Variants in GRIA3 observed in about 807,000 individuals in gnomAD.
GRIA3 encodes the protein glutamate ionotropic receptor AMPA type subunit 3, also known as glutamate receptor 3.
A neutral mutation model predicts 63.0 loss-of-function variants in GRIA3; 3 were observed. The ratio of observed to expected loss-of-function variants is 0.05; its 90% CI spans 0.02 to 0.12. GRIA3 has a LOEUF of 0.12. Ranked by LOEUF, GRIA3 falls within the 10% of genes least tolerant of loss-of-function variation. The pLI is 1.00. For synonymous variants in GRIA3, 274 were observed against 257.9 expected (o/e 1.06, Z -0.60); for missense variants, 347 against 700.9 (o/e 0.50, Z 5.70).
At chrX:123,430,306 T>A (rs1205014550) in intron 12 of GRIA3, among the ~76,000 whole-genome samples, 1 of 111,735 alleles carries the variant, frequency 8.9e-6, no homozygotes, top group African/African-American at 3.3e-5. Context: ...TACAAATCAT[T>A]TTCTAGTTCT....
chrX:123,398,128 C>T (rs1487182526), intron 6 of GRIA3, among the ~76,000 whole-genome samples: 1 of 111,892 alleles, frequency 8.9e-6, no homozygotes, highest in East Asian at 2.8e-4. Flanking sequence ...GGCCAGAAGT[C>T]CCACCTCGCC....
chrX:123,220,904 T>C (rs929874930), intron 2 of GRIA3, among the ~76,000 whole-genome samples: 2 of 112,156 alleles, frequency 1.8e-5, no homozygotes, highest in Non-Finnish European at 3.8e-5. Flanking sequence ...CCAGCACTTA[T>C]AGCACTTATC....
chrX:123,215,486 G>A (rs973308600), intron 2 of GRIA3, among the ~76,000 whole-genome samples: 3 of 111,568 alleles, frequency 2.7e-5, no homozygotes, highest in Non-Finnish European at 5.6e-5. Context: ...ACAGCACTAT[G>A]ATGTCAGCAT....
At position 123,464,348 on chromosome X, in the gene GRIA3, G is replaced by A. The variant is rs370985588; in HGVS notation, c.2077-517G>A. On this transcript the variant is annotated intron_variant, in intron 12 of 15. Transcript: ENST00000620443. The stretch of plus-strand genomic sequence containing the variant: ...GTTGAAATTGTAAAAAGGAATGGGA[G>A]TTATAGAAAAACAAAGATCATCTCA... 5.4e-5 allele frequency among the ~76,000 whole-genome samples: 6 copies of A among 111,729 alleles called. No individual in the cohort carries two copies. The East Asian group carries it at 1.4e-3, about 26-fold the overall frequency.
intron 12 of GRIA3, among the ~76,000 whole-genome samples, chrX:123,441,768 C>T (rs973277001): frequency 1.8e-5 from 2 of 110,855 alleles, no homozygotes; most frequent in South Asian, 7.7e-4. Flanking sequence ...AGCCCCTTTG[C>T]CAAGAAGTTT....
intron 4 of GRIA3, among the ~76,000 whole-genome samples, chrX:123,334,552 C>T: frequency 8.9e-6 from 1 of 112,021 alleles, no homozygotes; most frequent in Admixed American, 9.5e-5. Context: ...AGGAAATGTT[C>T]TACTTAATCA....
At chrX:123,316,684 T>C (rs1391135993) in intron 3 of GRIA3, among the ~76,000 whole-genome samples, 1 of 112,421 alleles carries the variant, frequency 8.9e-6, no homozygotes, top group East Asian at 2.8e-4. Context: ...TGGAATACTA[T>C]GTCATCATTA....
intron 3 of GRIA3, among the ~76,000 whole-genome samples, chrX:123,323,509 T>C (rs1266530080): frequency 8.9e-6 from 1 of 112,238 alleles, no homozygotes; most frequent in African/African-American, 3.2e-5. Flanking sequence ...TACCATGAAC[T>C]TAAATCTACT....
chrX:123,296,231 T>C (rs1280631869), intron 3 of GRIA3, among the ~76,000 whole-genome samples: 1 of 111,189 alleles, frequency 9.0e-6, no homozygotes, highest in Non-Finnish European at 1.9e-5. Flanking sequence ...AAGGTCGATA[T>C]AAAGGACAGA....
intron 3 of GRIA3, among the ~76,000 whole-genome samples, chrX:123,276,050 A>G (rs2044552945): frequency 8.9e-6 from 1 of 112,297 alleles, no homozygotes; most frequent in South Asian, 3.7e-4. Context: ...ACAAAGGCCC[A>G]GAGAGGGAAA....
intron 2 of GRIA3, among the ~76,000 whole-genome samples, chrX:123,252,834 A>C (rs1262023120): frequency 2.7e-5 from 3 of 112,198 alleles, no homozygotes; most frequent in Non-Finnish European, 5.6e-5. Flanking sequence ...TGTAACCTGA[A>C]GGGTAACACA....
intron 5 of GRIA3, among the ~76,000 whole-genome samples, chrX:123,387,830 C>T (rs887614585): frequency 8.9e-6 from 1 of 112,142 alleles, no homozygotes; most frequent in African/African-American, 3.2e-5. Context: ...ATACAGATTG[C>T]TAGTATTTTG....
intron 3 of GRIA3, among the ~76,000 whole-genome samples, chrX:123,264,116 C>A (rs1221363567): frequency 8.9e-6 from 1 of 112,037 alleles, no homozygotes; most frequent in African/African-American, 3.2e-5. Context: ...TATTTACCTT[C>A]TCATAGGCAA....
chrX:123,257,482 AG>A (rs1385769499), intron 3 of GRIA3, among the ~76,000 whole-genome samples: 1 of 99,894 alleles, frequency 1.0e-5, no homozygotes, highest in Non-Finnish European at 2.0e-5. Flanking sequence ...GAAGGAAGGA[AG>A]GAAGGGAGGA....
At chrX:123,205,929 G>A (rs1355178880) in intron 2 of GRIA3, among the ~76,000 whole-genome samples, 4 of 111,516 alleles carry the variant, frequency 3.6e-5, no homozygotes, top group Non-Finnish European at 7.5e-5. Flanking sequence ...CTTATTGTTT[G>A]CACCCCAGAC....
At chrX:123,326,433 C>T (rs753995671) in intron 4 of GRIA3, among the ~76,000 whole-genome samples, 1 of 110,418 alleles carries the variant, frequency 9.1e-6, no homozygotes, top group Admixed American at 9.6e-5. Context: ...AAATTGCATG[C>T]CATGATTAAT....
At chrX:123,345,057 A>G (rs1449536439) in intron 4 of GRIA3, among the ~76,000 whole-genome samples, 1 of 111,281 alleles carries the variant, frequency 9.0e-6, no homozygotes, top group Non-Finnish European at 1.9e-5. Context: ...TTTGAGAAAT[A>G]CTGTCCTAAG....
At chrX:123,425,338 A>G (rs1305135907) in intron 11 of GRIA3, among the ~76,000 whole-genome samples, 1 of 111,941 alleles carries the variant, frequency 8.9e-6, no homozygotes, top group African/African-American at 3.2e-5. Flanking sequence ...TCTTTAAAAT[A>G]GTACCTAACC....
At chrX:123,282,614 G>A (rs1049788747) in intron 3 of GRIA3, among the ~76,000 whole-genome samples, 8 of 112,576 alleles carry the variant, frequency 7.1e-5, no homozygotes, top group Admixed American at 5.6e-4. Context: ...TATTAATAAC[G>A]AAAATTACAG....
Sources: allele counts gnomAD v4.1 joint callset (sites outside exome capture counted in the v4.1 genomes callset), GRCh38; gene constraint gnomAD v4.1.1; transcripts MANE v1.5; gene names NCBI Gene and HGNC (gene_info 2026-07-23, HGNC 2026-07-21).